MACROD2: variants seen among roughly 807,000 people sequenced by gnomAD.
The protein encoded by MACROD2 is mono-ADP ribosylhydrolase 2, also known as ADP-ribose glycohydrolase MACROD2.
Under a neutral mutation model 70.4 loss-of-function variants are expected in MACROD2, and 36 were observed. The ratio of observed to expected loss-of-function variants is 0.51; its 90% CI spans 0.39 to 0.68. The LOEUF (loss-of-function observed/expected upper bound fraction) is 0.68. Among genes scored for constraint, MACROD2 ranks in the 30% least tolerant of loss-of-function variants. The pLI is 0.00. For missense variants in MACROD2, 496 were observed against 538.4 expected, an observed-to-expected ratio of 0.92 and a Z score of 0.78; for synonymous variants, 172 against 178.8, an observed-to-expected ratio of 0.96 and a Z score of 0.30.
rs529259608 is a variant in MACROD2 at position 15,707,612 on chromosome 20, C to T, written c.646-155133C>T. 4.6e-5 allele frequency among the ~76,000 whole-genome samples: 7 copies of T among 152,080 alleles called. No homozygotes were observed. The South Asian group carries it at 6.2e-4, about 14-fold the overall frequency. ...CAGCCTGGCCAACATGGGGAAACCC[C>T]GTCTCTACAAAAATACAAAAATTAG... is the stretch of plus-strand genomic sequence containing the variant. On this transcript the variant is annotated intron_variant, in intron 8 of 17. Transcript: ENST00000684519.
At chr20:14,231,991 GTTTT>G (rs1224110630) in intron 3 of MACROD2, among the ~76,000 whole-genome samples, 4 of 151,090 alleles carry the variant, frequency 2.6e-5, no homozygotes, top group African/African-American at 9.7e-5. Flanking sequence ...GGGGTTGTTT[GTTTT>G]TTTTCTTGTA....
At chr20:15,903,219 G>T (rs1223454965) in intron 10 of MACROD2, among the ~76,000 whole-genome samples, 1 of 152,188 alleles carries the variant, frequency 6.6e-6, no homozygotes, top group Non-Finnish European at 1.5e-5. Flanking sequence ...GCGCACGCCT[G>T]TAATTCCGGC....
intron 5 of MACROD2, among the ~76,000 whole-genome samples, chr20:15,146,778 T>G (rs1030153865): frequency 7.1e-4 from 108 of 152,272 alleles, no homozygotes; most frequent in African/African-American, 2.5e-3. Context: ...ATCTTTTGTT[T>G]TGGAACCATG....
chr20:14,543,097 T>C (rs1339366291), intron 4 of MACROD2, among the ~76,000 whole-genome samples: 2 of 152,170 alleles, frequency 1.3e-5, no homozygotes, highest in African/African-American at 2.4e-5. Flanking sequence ...CTCTGTCCTA[T>C]ACAATGATCA....
At chr20:14,626,737 C>T (rs1392018055) in intron 4 of MACROD2, among the ~76,000 whole-genome samples, 1 of 152,066 alleles carries the variant, frequency 6.6e-6, no homozygotes, top group Non-Finnish European at 1.5e-5. Context: ...TGGCCATTGT[C>T]GCACAATGGG....
intron 8 of MACROD2, among the ~76,000 whole-genome samples, chr20:15,729,544 C>T (rs1276841652): frequency 2.0e-5 from 3 of 152,098 alleles, no homozygotes; most frequent in Non-Finnish European, 2.9e-5. Context: ...TCTTTAAGAA[C>T]TTGCTTTATG....
chr20:14,516,930 T>G (rs1051022632), intron 4 of MACROD2, among the ~76,000 whole-genome samples: 2 of 152,114 alleles, frequency 1.3e-5, no homozygotes, highest in Non-Finnish European at 2.9e-5. Context: ...AACAAACATA[T>G]GAGAAAAAGC....
intron 5 of MACROD2, among the ~76,000 whole-genome samples, chr20:15,171,725 A>G (rs529707756): frequency 6.6e-6 from 1 of 152,272 alleles, no homozygotes; most frequent in East Asian, 1.9e-4. Flanking sequence ...TAAATGAAAT[A>G]TGTTCTCCTC....
At chr20:14,182,441 C>G (rs1290516019) in intron 3 of MACROD2, among the ~76,000 whole-genome samples, 1 of 151,802 alleles carries the variant, frequency 6.6e-6, no homozygotes, top group Non-Finnish European at 1.5e-5. Context: ...TTTTCACTTT[C>G]TTGATAGTGT....
At chr20:14,312,689 A>G (rs1465801720) in intron 3 of MACROD2, among the ~76,000 whole-genome samples, 1 of 152,214 alleles carries the variant, frequency 6.6e-6, no homozygotes, top group African/African-American at 2.4e-5. Flanking sequence ...GTATGTATTA[A>G]TGTGTCAGGC....
At chr20:15,078,214 A>G (rs2075674510) in intron 5 of MACROD2, among the ~76,000 whole-genome samples, 1 of 152,108 alleles carries the variant, frequency 6.6e-6, no homozygotes, top group Non-Finnish European at 1.5e-5. Context: ...AAAAAGTTAA[A>G]AGCGGCCAAA....
chr20:15,338,678 A>G (rs1215206886), intron 6 of MACROD2, among the ~76,000 whole-genome samples: 1 of 151,570 alleles, frequency 6.6e-6, no homozygotes, highest in Admixed American at 6.6e-5. Context: ...ATGAAGAAAC[A>G]GGCCTAGGGG....
At chr20:14,428,876 G>A (rs1425098511) in intron 3 of MACROD2, among the ~76,000 whole-genome samples, 3 of 152,132 alleles carry the variant, frequency 2.0e-5, no homozygotes, top group East Asian at 3.8e-4. Context: ...TCTATAGGGA[G>A]CTTTGCCTTT....
chr20:15,846,829 G>A (rs1177004806), intron 8 of MACROD2, among the ~76,000 whole-genome samples: 1 of 145,530 alleles, frequency 6.9e-6, no homozygotes, highest in African/African-American at 2.5e-5. Context: ...CGAGACCCTC[G>A]GCATCAAGAA....
chr20:15,109,094 G>T (rs775227944), intron 5 of MACROD2, among the ~76,000 whole-genome samples: 7 of 152,122 alleles, frequency 4.6e-5, no homozygotes, highest in Non-Finnish European at 7.4e-5. Flanking sequence ...ATTGCCTATG[G>T]CTTCTTTTAT....
At position 16,013,349 on chromosome 20, in the gene MACROD2, TGAA is replaced by T. The variant is rs546807732; in HGVS notation, c.1153+26195_1153+26197del. On this transcript the variant is annotated intron_variant, in intron 15 of 17. Coordinates refer to ENST00000684519, the MANE Select transcript of MACROD2 (RefSeq NM_001351661.2). ...TCCATGTGGTGTAAATGTAAGATGA[TGAA>T]GAACCTAAAATAGAAATTGTAAAGA... 3.9e-3 allele frequency among the ~76,000 whole-genome samples: 596 copies of T among 152,266 alleles called. 1 individual carries two copies. Among genetic ancestry groups the T allele is most frequent in the Non-Finnish European group, 6.6e-3 (447 of 68,010 alleles).
rs78465215 is a variant in MACROD2, at chr20:14,266,406, G to A, written c.271+180678G>A. Among the ~76,000 whole-genome samples the A allele has an allele frequency of 9.2e-5, 14 of 152,238 alleles. No individual in the cohort carries two copies. The East Asian group carries it at 2.3e-3, about 25-fold the overall frequency. On this transcript the variant is annotated intron_variant, in intron 3 of 17. Coordinates refer to ENST00000684519, the MANE Select transcript of MACROD2 (RefSeq NM_001351661.2). ...TCAGGGCAGAGGATAAGGATATAGAGAACTCTGCCTCTTTTCTTAGACTCA... is the reference window on the plus strand; with the variant it reads ...TCAGGGCAGAGGATAAGGATATAGAAAACTCTGCCTCTTTTCTTAGACTCA...
chr20:15,874,247 A>C (rs2045892819), intron 9 of MACROD2, among the ~76,000 whole-genome samples: 1 of 151,090 alleles, frequency 6.6e-6, no homozygotes, highest in Admixed American at 6.6e-5. Flanking sequence ...ACATGAACTC[A>C]TCCTTTTTTT....
chr20:14,554,138 T>G (rs1046840760), intron 4 of MACROD2, among the ~76,000 whole-genome samples: 4 of 152,138 alleles, frequency 2.6e-5, no homozygotes, highest in African/African-American at 9.6e-5. Flanking sequence ...CCAGTTTTTC[T>G]CTTCATTCCT....
Sources: gnomAD v4.1 joint callset for allele counts (sites outside exome capture counted in the v4.1 genomes callset) on GRCh38, gnomAD v4.1.1 for gene constraint, MANE v1.5 for transcripts, NCBI Gene and HGNC (gene_info 2026-07-23, HGNC 2026-07-21) for gene names.